The following UGT2A1 variants were observed in gnomAD, a reference collection of about 807,000 sequenced individuals.
UGT2A1 encodes UDP-glucuronosyltransferase 2A1.
In UGT2A1, 61 loss-of-function variants were observed where a neutral mutation model predicts 45.4. That is an observed-to-expected ratio of 1.34 (90% CI 1.09 to 1.66). UGT2A1 has a LOEUF of 1.66. Ranked by LOEUF, UGT2A1 falls within the 40% of genes most tolerant of loss-of-function variation. UGT2A1 has a pLI of 0.00. For missense variants in UGT2A1, 649 were observed against 574.3 expected, an observed-to-expected ratio of 1.13 and a Z score of -1.33; for synonymous variants, 229 against 196.2, an observed-to-expected ratio of 1.17 and a Z score of -1.40.
At chr4:69,639,792 T>C in intron 2 of UGT2A1, 1 of 740,824 alleles carries the variant, frequency 1.3e-6, no homozygotes. Context: ...CAAATTCCTA[T>C]ATGCACTAAC....
chr4:69,651,497 T>C (rs552917073), intron 1 of UGT2A1, among the ~76,000 whole-genome samples: 2 of 152,338 alleles, frequency 1.3e-5, no homozygotes, highest in East Asian at 1.9e-4. Context: ...CAGAAGAAGC[T>C]AGCATACTCA....
chr4:69,611,756 A>G (rs1421441317), intron 3 of UGT2A1, among the ~76,000 whole-genome samples: 1 of 152,174 alleles, frequency 6.6e-6, no homozygotes, highest in Non-Finnish European at 1.5e-5. Flanking sequence ...AAGTAAAAAC[A>G]TGAATTCTGA....
chr4:69,649,697 C>T (rs538942058), intron 1 of UGT2A1, among the ~76,000 whole-genome samples: 7 of 152,086 alleles, frequency 4.6e-5, no homozygotes, highest in Non-Finnish European at 1.0e-4. Flanking sequence ...TATACATATA[C>T]ATATACATGC....
At chr4:69,592,138 G>A (rs1410215927) in intron 6 of UGT2A1, among the ~76,000 whole-genome samples, 1 of 152,134 alleles carries the variant, frequency 6.6e-6, no homozygotes, top group Non-Finnish European at 1.5e-5. Flanking sequence ...CTGAATAGAT[G>A]TTTTTAAGCA....
In UGT2A1 at chr4:69,647,051, T is replaced by C. The variant is rs775919307; in HGVS notation, c.594A>G (p.Ser198=). ...YPPSYVPAVL[S]ELTDQMSFTD... ...TGAAAGACATTTGGTCGGTGAGTTC[T>C]GATAAAACAGCAGGAACATAGGAAG... The change falls in exon 2 of 7, where the codon TCA becomes TCG. Residue 198 remains serine (S), a synonymous_variant. Coordinates refer to ENST00000286604, the MANE Select transcript of UGT2A1 (RefSeq NM_001252275.3). The C allele has an allele frequency of 6.2e-7, 1 of 1,612,978 alleles. No homozygotes were observed. Among genetic ancestry groups the C allele is most frequent in the South Asian group, 1.1e-5 (1 of 91,004 alleles).
chr4:69,623,818 A>T (rs1684119140), intron 3 of UGT2A1, among the ~76,000 whole-genome samples: 1 of 151,566 alleles, frequency 6.6e-6, no homozygotes, highest in African/African-American at 2.4e-5. Context: ...TTTTTAAAAC[A>T]GATTCATTTG....
intron 3 of UGT2A1, among the ~76,000 whole-genome samples, chr4:69,600,016 T>A (rs543768282): frequency 1.3e-5 from 2 of 152,274 alleles, no homozygotes; most frequent in South Asian, 4.2e-4. Context: ...ACACTGTGAA[T>A]TTGTTTACAA....
chr4:69,595,619 G>A (rs1047568828), intron 4 of UGT2A1, among the ~76,000 whole-genome samples: 1 of 152,156 alleles, frequency 6.6e-6, no homozygotes, highest in Non-Finnish European at 1.5e-5. Flanking sequence ...GTCCTAGGAT[G>A]TGTCATGAAT....
At chr4:69,595,353 G>A (rs950569979) in intron 4 of UGT2A1, 104 bp from the exon 5 acceptor site, 2 of 1,325,178 alleles carry the variant, frequency 1.5e-6, no homozygotes, top group African/African-American at 2.9e-5. Context: ...TGGAAGACGG[G>A]AATTACATAA....
intron 3 of UGT2A1, among the ~76,000 whole-genome samples, chr4:69,621,376 C>T (rs771511654): frequency 5.3e-5 from 8 of 151,876 alleles, no homozygotes; most frequent in Non-Finnish European, 1.2e-4. Flanking sequence ...TACATGCAAC[C>T]ATCAAGTATA....
intron 2 of UGT2A1, among the ~76,000 whole-genome samples, chr4:69,643,562 G>A (rs972248505): frequency 6.6e-6 from 1 of 151,562 alleles, no homozygotes; most frequent in African/African-American, 2.4e-5. Flanking sequence ...CTAGTGCATA[G>A]GAAGATATTA....
chr4:69,593,313 G>T (rs925550476), intron 6 of UGT2A1, among the ~76,000 whole-genome samples: 9 of 151,588 alleles, frequency 5.9e-5, no homozygotes, highest in Non-Finnish European at 8.8e-5. Flanking sequence ...GTAAATGTGA[G>T]AAAAAAATGA....
intron 6 of UGT2A1, among the ~76,000 whole-genome samples, chr4:69,591,230 T>A (rs1393340137): frequency 2.0e-5 from 3 of 152,258 alleles, no homozygotes; most frequent in African/African-American, 4.8e-5. Flanking sequence ...AAGTCCTGAG[T>A]ATATGTGCCC....
At chr4:69,605,488 A>C (rs1719553377) in intron 3 of UGT2A1, among the ~76,000 whole-genome samples, 1 of 136,702 alleles carries the variant, frequency 7.3e-6, no homozygotes, top group Admixed American at 7.2e-5. Context: ...TAAAATTGAC[A>C]CCCCAACATC....
In UGT2A1 at chr4:69,594,584, A is replaced by G; in HGVS notation, c.1197T>C (p.Asp399=). 6.2e-7 allele frequency: 1 copy of G among 1,614,160 alleles called. No individual in the cohort carries two copies. Among genetic ancestry groups the G allele is most frequent in the East Asian group, 2.2e-5 (1 of 44,870 alleles). Residue 399 remains aspartate (D), a synonymous_variant, in exon 6 of 7, where the codon GAT becomes GAC. Transcript: ENST00000286604. ...VGVPMFADQP[D]NIAHMKAKGA... ...CTTTGGCCTTCATGTGAGCAATGTT[A>G]TCAGGCTGATCAGCAAACATGGGAA...
chr4:69,600,416 C>T (rs750105213), intron 3 of UGT2A1, among the ~76,000 whole-genome samples: 1 of 152,156 alleles, frequency 6.6e-6, no homozygotes, highest in Non-Finnish European at 1.5e-5. Context: ...GAGCTCCCAA[C>T]TGAGAATCAC....
chr4:69,594,520 C>A lies in UGT2A1; in HGVS notation c.1261G>T (p.Val421Leu). ...VEVNLNTMTSVDLLSALRTVI... is the reference protein window; with the variant it reads ...VEVNLNTMTSLDLLSALRTVI... ...GTTCTCAAAGCGCTAAGCAAATCCACACTTGTCATTGTGTTTAGGTTCACT... is the reference window on the plus strand; with the variant it reads ...GTTCTCAAAGCGCTAAGCAAATCCAAACTTGTCATTGTGTTTAGGTTCACT... Residue 421 changes from valine to leucine, a missense_variant, in exon 6 of 7, where the codon GTG becomes TTG. Transcript: ENST00000286604. 1.2e-6 allele frequency: 2 copies of A among 1,614,168 alleles called. No homozygotes were observed. The highest frequency in any genetic ancestry group is 1.7e-6 in the Non-Finnish European group (2 of 1,180,028).
rs753461414 is a variant in UGT2A1, at chr4:69,606,265, C to G, written c.848-6871G>C. Among the ~76,000 whole-genome samples the G allele has an allele frequency of 1.5e-4, 21 of 136,388 alleles. 5 individuals carry two copies. Among genetic ancestry groups the G allele is most frequent in the Non-Finnish European group, 3.1e-4 (20 of 64,290 alleles). The allele number at this position is 136,388 out of a possible 152,430, so 89.5% of individuals were successfully genotyped here. A position where few individuals can be genotyped will look rare whatever the true frequency, so the allele number is the denominator to read the frequency against. Reference sequence around the variant, plus strand: ...TCATCCCTGGGACGCAAGGCTGGGTCAACATACGCAAATCAACAAACGTAA... The same window carrying G: ...TCATCCCTGGGACGCAAGGCTGGGTGAACATACGCAAATCAACAAACGTAA... On this transcript the variant is annotated intron_variant, in intron 3 of 6. Transcript: ENST00000286604.
At chr4:69,594,329 CA>C in intron 6 of UGT2A1, 147 bp downstream of exon 6, 1 of 1,104,834 alleles carries the variant, frequency 9.1e-7, no homozygotes, top group Non-Finnish European at 1.3e-6. Context: ...ATCACTTTAG[CA>C]GTTTGGCAAA....
Sources: gnomAD v4.1 joint callset for allele counts (sites outside exome capture counted in the v4.1 genomes callset) on GRCh38, gnomAD v4.1.1 for gene constraint, MANE v1.5 for transcripts, NCBI Gene and HGNC (gene_info 2026-07-23, HGNC 2026-07-21) for gene names.